The following MAGI2 variants were observed in gnomAD, a reference collection of about 807,000 sequenced individuals.
MAGI2 encodes membrane-associated guanylate kinase, WW and PDZ domain-containing protein 2.
In MAGI2, 35 loss-of-function variants were observed where a neutral mutation model predicts 133.3. That is an observed-to-expected ratio of 0.26 (90% confidence interval 0.20 to 0.35). The LOEUF is 0.35. MAGI2 is among the 10% of genes least tolerant of loss of function. The pLI is 1.00. For synonymous variants in MAGI2, 729 were observed against 710.6 expected (o/e 1.03, Z -0.41); for missense variants, 1,636 against 1,863.4 (o/e 0.88, Z 2.25).
intron 1 of MAGI2, among the ~76,000 whole-genome samples, chr7:79,437,330 C>T (rs1848213099): frequency 6.6e-6 from 1 of 151,814 alleles, no homozygotes; most frequent in African/African-American, 2.4e-5. Context: ...GTAGCAGAAT[C>T]TAAAATAAAA....
At chr7:79,245,539 C>T (rs969995279) in intron 1 of MAGI2, among the ~76,000 whole-genome samples, 1 of 152,096 alleles carries the variant, frequency 6.6e-6, no homozygotes, top group African/African-American at 2.4e-5. Context: ...AGGGGAGACC[C>T]CTCTGCATGT....
At chr7:79,010,179 T>C (rs1205459859) in intron 1 of MAGI2, among the ~76,000 whole-genome samples, 1 of 152,104 alleles carries the variant, frequency 6.6e-6, no homozygotes, top group African/African-American at 2.4e-5. Flanking sequence ...CACATGCATG[T>C]ATATGTACAG....
chr7:79,445,552 G>A (rs1848789476), intron 1 of MAGI2, among the ~76,000 whole-genome samples: 2 of 152,126 alleles, frequency 1.3e-5, no homozygotes, highest in African/African-American at 4.8e-5. Flanking sequence ...GAAACCAAAA[G>A]ACACATGAAA....
At chr7:78,717,759 C>G (rs1035589886) in intron 2 of MAGI2, among the ~76,000 whole-genome samples, 2 of 152,094 alleles carry the variant, frequency 1.3e-5, no homozygotes, top group African/African-American at 4.8e-5. Context: ...GAACCTAAGC[C>G]TAATAGAAAT....
intron 10 of MAGI2, among the ~76,000 whole-genome samples, chr7:78,232,807 CA>C (rs1175271584): frequency 6.6e-6 from 1 of 152,178 alleles, no homozygotes; most frequent in Non-Finnish European, 1.5e-5. Context: ...TTTGCCAAAA[CA>C]CACAGATTTT....
At chr7:78,841,976 G>A (rs192532559) in intron 2 of MAGI2, among the ~76,000 whole-genome samples, 1 of 152,044 alleles carries the variant, frequency 6.6e-6, no homozygotes, top group Non-Finnish European at 1.5e-5. Flanking sequence ...TGGAGTAAGA[G>A]TCCAAACTAT....
At chr7:79,094,318 C>G (rs776690267) in intron 1 of MAGI2, among the ~76,000 whole-genome samples, 29 of 152,296 alleles carry the variant, frequency 1.9e-4, no homozygotes, top group Admixed American at 5.2e-4. Context: ...CATGAGATTG[C>G]AGCAAGCAGT....
chr7:78,446,881 C>G (rs1031380637), intron 6 of MAGI2, among the ~76,000 whole-genome samples: 1 of 151,998 alleles, frequency 6.6e-6, no homozygotes. Context: ...GTTACTAAAC[C>G]CATCTAAGTT....
intron 9 of MAGI2, among the ~76,000 whole-genome samples, chr7:78,341,586 G>A (rs1309080703): frequency 6.6e-6 from 1 of 152,090 alleles, no homozygotes; most frequent in Admixed American, 6.6e-5. Flanking sequence ...AACCAAAATA[G>A]CATCGTACTG....
chr7:79,104,353 G>A (rs1459701887), intron 1 of MAGI2, among the ~76,000 whole-genome samples: 5 of 152,084 alleles, frequency 3.3e-5, no homozygotes, highest in Non-Finnish European at 7.4e-5. Context: ...CATGGAAAAT[G>A]ATTACTTATT....
intron 4 of MAGI2, among the ~76,000 whole-genome samples, chr7:78,517,410 A>G (rs1227200277): frequency 6.6e-6 from 1 of 152,164 alleles, no homozygotes; most frequent in Non-Finnish European, 1.5e-5. Flanking sequence ...GTTCTGGGAC[A>G]TGTGTTGGAG....
chr7:79,182,183 C>A (rs914658257), intron 1 of MAGI2, among the ~76,000 whole-genome samples: 5 of 151,962 alleles, frequency 3.3e-5, no homozygotes, highest in Admixed American at 2.6e-4. Context: ...TCTACTGTTA[C>A]CAATTTACCA....
chr7:79,264,507 TA>T (rs1347381310), intron 1 of MAGI2, among the ~76,000 whole-genome samples: 2 of 152,156 alleles, frequency 1.3e-5, no homozygotes, highest in African/African-American at 4.8e-5. Flanking sequence ...TTATATTGCC[TA>T]ATAAGCATAA....
At chr7:79,275,911 T>G (rs568448062) in intron 1 of MAGI2, among the ~76,000 whole-genome samples, 1 of 152,306 alleles carries the variant, frequency 6.6e-6, no homozygotes, top group East Asian at 1.9e-4. Flanking sequence ...GTTTGAGACC[T>G]ACTGCTCAGA....
chr7:79,185,516 A>ATTTTTTTTTT (rs71095383), intron 1 of MAGI2, among the ~76,000 whole-genome samples: 2 of 126,612 alleles, frequency 1.6e-5, no homozygotes, highest in African/African-American at 2.9e-5. Flanking sequence ...CAATTTGGTC[A>ATTTTTTTTTT]TTTTTTTTTT....
chr7:78,338,736 A>G (rs1157802019), intron 9 of MAGI2, among the ~76,000 whole-genome samples: 1 of 152,184 alleles, frequency 6.6e-6, no homozygotes, highest in Non-Finnish European at 1.5e-5. Flanking sequence ...ATATTTTTGA[A>G]TATTTAACAA....
intron 6 of MAGI2, among the ~76,000 whole-genome samples, chr7:78,391,329 C>T (rs925116470): frequency 1.3e-5 from 2 of 152,144 alleles, no homozygotes; most frequent in Non-Finnish European, 2.9e-5. Context: ...TATGCATTCA[C>T]ACAAATTATA....
At chr7:78,470,520 A>G (rs902867711) in intron 6 of MAGI2, among the ~76,000 whole-genome samples, 5 of 152,150 alleles carry the variant, frequency 3.3e-5, no homozygotes, top group Non-Finnish European at 5.9e-5. Context: ...TTAATGGAGT[A>G]AAGCTAATAT....
At chr7:79,338,812 C>T (rs1194793995) in intron 1 of MAGI2, among the ~76,000 whole-genome samples, 1 of 152,100 alleles carries the variant, frequency 6.6e-6, no homozygotes. Flanking sequence ...CTCGTAGCCA[C>T]ACCTTGAGAG....
Sources: allele counts gnomAD v4.1 joint callset (sites outside exome capture counted in the v4.1 genomes callset), GRCh38; gene constraint gnomAD v4.1.1; transcripts MANE v1.5; gene names NCBI Gene and HGNC (gene_info 2026-07-23, HGNC 2026-07-21).